LRRTM4: variants seen among roughly 807,000 people sequenced by gnomAD.
LRRTM4 encodes the protein leucine rich repeat transmembrane neuronal 4, also known as leucine-rich repeat transmembrane neuronal protein 4.
In LRRTM4, 25 loss-of-function variants were observed where a neutral mutation model predicts 47.6. That is an observed-to-expected ratio of 0.53 (90% confidence interval 0.38 to 0.73). The LOEUF is 0.73. Ranked by LOEUF, LRRTM4 falls within the 30% of genes least tolerant of loss-of-function variation. The probability of loss-of-function intolerance (pLI) is 0.00; values close to 1 mark genes in which losing one functional copy is unlikely to be tolerated. For synonymous variants in LRRTM4, 311 were observed against 269.5 expected, an observed-to-expected ratio of 1.15 and a Z score of -1.51; for missense variants, 638 against 713.4, an observed-to-expected ratio of 0.89 and a Z score of 1.20.
At chr2:77,421,663 C>T (rs1466395960) in intron 3 of LRRTM4, among the ~76,000 whole-genome samples, 48 of 151,796 alleles carry the variant, frequency 3.2e-4, no homozygotes, top group African/African-American at 1.1e-3. Context: ...GCCGAGATCA[C>T]ACCACTGCAC....
chr2:76,843,595 T>C (rs966430937), intron 3 of LRRTM4, among the ~76,000 whole-genome samples: 3 of 152,184 alleles, frequency 2.0e-5, no homozygotes, highest in African/African-American at 7.2e-5. Flanking sequence ...CTGGTAATAG[T>C]GTGACTATGT....
chr2:76,835,976 C>T (rs1383521336), intron 3 of LRRTM4, among the ~76,000 whole-genome samples: 1 of 151,964 alleles, frequency 6.6e-6, no homozygotes, highest in Non-Finnish European at 1.5e-5. Context: ...AGTAGAACCT[C>T]TGAAATCCCA....
At chr2:77,179,341 G>GT (rs1673286916) in intron 3 of LRRTM4, among the ~76,000 whole-genome samples, 1 of 152,144 alleles carries the variant, frequency 6.6e-6, no homozygotes, top group Non-Finnish European at 1.5e-5. Flanking sequence ...CTAACAGTAA[G>GT]TAAAAAAAGT....
intron 3 of LRRTM4, among the ~76,000 whole-genome samples, chr2:77,021,110 G>C (rs62170875): frequency 7.9e-4 from 119 of 151,034 alleles, no homozygotes; most frequent in African/African-American, 1.6e-3. Flanking sequence ...ATCTATCTAT[G>C]TATCTATCTA....
At chr2:77,159,153 C>G in intron 3 of LRRTM4, among the ~76,000 whole-genome samples, 1 of 152,166 alleles carries the variant, frequency 6.6e-6, no homozygotes, top group Middle Eastern at 3.4e-3. Flanking sequence ...GAACAGCTGA[C>G]ACTTCACCAA....
At chr2:77,036,083 C>A (rs1268578304) in intron 3 of LRRTM4, among the ~76,000 whole-genome samples, 1 of 151,738 alleles carries the variant, frequency 6.6e-6, no homozygotes, top group East Asian at 1.9e-4. Context: ...AAATTGATAA[C>A]TTATGCATAT....
intron 3 of LRRTM4, among the ~76,000 whole-genome samples, chr2:77,189,141 A>G (rs1217312494): frequency 6.6e-6 from 1 of 152,204 alleles, no homozygotes; most frequent in Non-Finnish European, 1.5e-5. Context: ...AATGAAATAA[A>G]GTGCTTTTAG....
intron 3 of LRRTM4, among the ~76,000 whole-genome samples, chr2:77,486,870 G>A (rs775888525): frequency 2.2e-4 from 34 of 152,168 alleles, no homozygotes; most frequent in Non-Finnish European, 2.4e-4. Context: ...TGACAGATCC[G>A]TACTAGAAAT....
At chr2:77,043,449 C>A (rs1453513341) in intron 3 of LRRTM4, among the ~76,000 whole-genome samples, 1 of 151,746 alleles carries the variant, frequency 6.6e-6, no homozygotes, top group East Asian at 1.9e-4. Flanking sequence ...TGAGAAATTT[C>A]TGGTTCCCTG....
At chr2:76,992,621 A>G (rs1235595405) in intron 3 of LRRTM4, among the ~76,000 whole-genome samples, 1 of 151,692 alleles carries the variant, frequency 6.6e-6, no homozygotes, top group Admixed American at 6.6e-5. Context: ...AAAGAAATCA[A>G]AGACAACACA....
intron 3 of LRRTM4, among the ~76,000 whole-genome samples, chr2:77,099,976 A>G (rs1228884966): frequency 1.3e-5 from 2 of 152,162 alleles, no homozygotes; most frequent in Non-Finnish European, 2.9e-5. Context: ...CAGTTTTTTT[A>G]ATAGCAGAAT....
intron 3 of LRRTM4, among the ~76,000 whole-genome samples, chr2:76,963,264 A>G (rs1675920850): frequency 6.6e-6 from 1 of 150,924 alleles, no homozygotes; most frequent in Admixed American, 6.6e-5. Context: ...AAGGGTCAAC[A>G]TTAAATTGTG....
At chr2:77,041,877 G>T (rs533139428) in intron 3 of LRRTM4, among the ~76,000 whole-genome samples, 1 of 149,226 alleles carries the variant, frequency 6.7e-6, no homozygotes, top group Non-Finnish European at 1.5e-5. Flanking sequence ...TCTGAATATT[G>T]AAACAATTCT....
chr2:77,329,586 T>C (rs553171111), intron 3 of LRRTM4, among the ~76,000 whole-genome samples: 8 of 152,256 alleles, frequency 5.3e-5, no homozygotes, highest in African/African-American at 1.9e-4. Context: ...TGCACTCCCT[T>C]TGCACAGAGA....
At chr2:76,900,553 C>T (rs1441741273) in intron 3 of LRRTM4, among the ~76,000 whole-genome samples, 1 of 151,998 alleles carries the variant, frequency 6.6e-6, no homozygotes, top group South Asian at 2.1e-4. Flanking sequence ...TATATTATGG[C>T]TTTCTATAAA....
intron 3 of LRRTM4, among the ~76,000 whole-genome samples, chr2:77,416,329 A>G (rs1332590572): frequency 6.6e-6 from 1 of 152,086 alleles, no homozygotes; most frequent in African/African-American, 2.4e-5. Context: ...TGATGTTATT[A>G]CACTTTGGGA....
chr2:77,193,757 A>G (rs1037122893), intron 3 of LRRTM4, among the ~76,000 whole-genome samples: 4 of 152,338 alleles, frequency 2.6e-5, no homozygotes, highest in African/African-American at 4.8e-5. Context: ...GGCCTGGGCA[A>G]TAAGAGTGAA....
At chr2:77,025,074 G>A (rs2028913) in intron 3 of LRRTM4, among the ~76,000 whole-genome samples, 1 of 151,840 alleles carries the variant, frequency 6.6e-6, no homozygotes, top group Admixed American at 6.6e-5. Flanking sequence ...AAATCAGTAC[G>A]TTCATAATTA....
intron 3 of LRRTM4, among the ~76,000 whole-genome samples, chr2:76,966,372 G>A (rs557096646): frequency 2.0e-5 from 3 of 151,342 alleles, no homozygotes; most frequent in South Asian, 4.2e-4. Flanking sequence ...AAGGGGGTTA[G>A]GAGTAATTAC....
Sources: gnomAD v4.1 joint callset for allele counts (sites outside exome capture counted in the v4.1 genomes callset) on GRCh38, gnomAD v4.1.1 for gene constraint, MANE v1.5 for transcripts, NCBI Gene and HGNC (gene_info 2026-07-23, HGNC 2026-07-21) for gene names.